Variants in POLR3E observed in about 807,000 individuals in gnomAD.
POLR3E encodes RNA polymerase III subunit E, also known as DNA-directed RNA polymerase III subunit RPC5.
Under a neutral mutation model 96.6 loss-of-function variants are expected in POLR3E, and 41 were observed. The ratio of observed to expected loss-of-function variants is 0.42; its 90% CI spans 0.33 to 0.55. The LOEUF is 0.55. Ranked by LOEUF, POLR3E falls within the 20% of genes least tolerant of loss-of-function variation. The pLI is 0.06. For missense variants in POLR3E, 849 were observed against 952.1 expected (o/e 0.89, Z 1.43); for synonymous variants, 396 against 383.6 (o/e 1.03, Z -0.38).
At position 22,322,964 on chromosome 16, in the gene POLR3E, G is replaced by T; in HGVS notation, c.1068+33G>T. On this transcript the variant is annotated intron_variant, in intron 14 of 20. Transcript: ENST00000299853. This position sits in a 1 kb window ranked among gnomAD's most constrained non-coding sequence, Gnocchi z 5.2. ...CCTTGGGTTCTCTGGACTCACGGTGGGGGCGTGGGAAGAGGGGGGCAGCGG... is the reference window on the plus strand; with the variant it reads ...CCTTGGGTTCTCTGGACTCACGGTGTGGGCGTGGGAAGAGGGGGGCAGCGG... The T allele has an allele frequency of 6.7e-7, 1 of 1,484,312 alleles. No individual in the cohort carries two copies. Among genetic ancestry groups the T allele is most frequent in the East Asian group, 2.3e-5 (1 of 43,440 alleles). The allele number at this position is 1,484,312 out of a possible 1,614,324, so 91.9% of individuals were successfully genotyped here.
intron 13 of POLR3E, among the ~76,000 whole-genome samples, chr16:22,320,419 G>A (rs1399284160): frequency 6.6e-6 from 1 of 151,966 alleles, no homozygotes; most frequent in African/African-American, 2.4e-5. Flanking sequence ...TTGCCACCAC[G>A]CCCGGCTAAT....
At chr16:22,315,332 C>A (rs1241641155) in intron 9 of POLR3E, 124 bp downstream of exon 9, 1 of 1,064,490 alleles carries the variant, frequency 9.4e-7, no homozygotes, top group Non-Finnish European at 1.3e-6. Flanking sequence ...GATAGAGGAT[C>A]GAGTCCTGTG....
At chr16:22,329,636 T>C (rs2048694232) in intron 19 of POLR3E, among the ~76,000 whole-genome samples, 1 of 152,028 alleles carries the variant, frequency 6.6e-6, no homozygotes, top group Admixed American at 6.6e-5. Flanking sequence ...AGTGCTTTTG[T>C]CCAGAATAGA....
chr16:22,314,741 C>T lies in POLR3E; in HGVS notation c.523-348C>T, dbSNP rs141226643. On this transcript the variant is annotated intron_variant, in intron 8 of 20. Transcript: ENST00000299853. ...CGCAGGGAGCTCATCCTGTTCTCTC[C>T]GTAGCTTATTAGGACCTTAGAAACT... Among the ~76,000 whole-genome samples the T allele has an allele frequency of 5.3e-5, 8 of 152,220 alleles. No individual in the cohort carries two copies. The East Asian group carries it at 7.8e-4, about 15-fold the overall frequency.
At position 22,325,872 on chromosome 16, in the gene POLR3E, G is replaced by A. The variant is rs372825350; in HGVS notation, c.1460G>A (p.Arg487Gln). The change falls in exon 18 of 21, where the codon CGG becomes CAG. Residue 487 changes from arginine to glutamine, a missense_variant. Transcript: ENST00000299853. ...RELQRRKEQL[R>Q]VPAVPPGVRI... ...CTGCAGCGGCGGAAGGAGCAGCTGCGGGTGCCTGCGGTCCCGCCCGGTGTG... is the reference window on the plus strand; with the variant it reads ...CTGCAGCGGCGGAAGGAGCAGCTGCAGGTGCCTGCGGTCCCGCCCGGTGTG... The A allele has an allele frequency of 1.2e-5, 19 of 1,611,040 alleles. No homozygotes were observed. The highest frequency in any genetic ancestry group is 1.2e-4 in the Admixed American group (7 of 59,616).
intron 2 of POLR3E, among the ~76,000 whole-genome samples, chr16:22,304,657 G>A (rs949991172): frequency 6.6e-6 from 1 of 152,160 alleles, no homozygotes; most frequent in African/African-American, 2.4e-5. Flanking sequence ...GTAAACTGCT[G>A]CGTGGCGGGG....
intron 14 of POLR3E, among the ~76,000 whole-genome samples, chr16:22,323,992 C>T (rs1252319656): frequency 6.6e-6 from 1 of 152,144 alleles, no homozygotes; most frequent in East Asian, 1.9e-4. Context: ...CATTAGCAGC[C>T]ACCACTGTGA....
At chr16:22,304,101 A>G (rs1023170802) in intron 2 of POLR3E, among the ~76,000 whole-genome samples, 6 of 152,090 alleles carry the variant, frequency 3.9e-5, no homozygotes, top group African/African-American at 1.2e-4. Context: ...ATGAGCCACC[A>G]TGGCCGGCAC....
chr16:22,319,759 C>T (rs889590151), intron 13 of POLR3E, among the ~76,000 whole-genome samples: 2 of 152,124 alleles, frequency 1.3e-5, no homozygotes, highest in African/African-American at 4.8e-5. Context: ...AGTGTGAAAT[C>T]TAAATACATG....
chr16:22,309,675 A>C lies in POLR3E; in HGVS notation c.364+165A>C, dbSNP rs1434592465. 11 of 658,012 alleles carry C rather than the reference A, an allele frequency of 1.7e-5. No homozygotes were observed. The East Asian group carries it at 1.9e-4, about 11-fold the overall frequency. 40.8% of individuals were successfully genotyped at this position (658,012 alleles called of 1,614,324 possible). A position where few individuals can be genotyped will look rare whatever the true frequency, so the allele number is the denominator to read the frequency against. On this transcript the variant is annotated intron_variant, in intron 6 of 20. Transcript: ENST00000299853. ...AACAGAAATGACACATTGTCAGGGG[A>C]CTGGAAGTGGCCACCTTTGTGGACT... is the stretch of plus-strand genomic sequence containing the variant.
At position 22,316,788 on chromosome 16, in the gene POLR3E, T is replaced by C. The variant is rs1307480274; in HGVS notation, c.728+102T>C. Reference sequence around the variant, plus strand: ...GAGGACTGTGGCCCCTCCTGTAGCATGAGGGTGGAGCCCATTGTCCCCTGG... The same window carrying C: ...GAGGACTGTGGCCCCTCCTGTAGCACGAGGGTGGAGCCCATTGTCCCCTGG... On this transcript the variant is annotated intron_variant, in intron 10 of 20. Coordinates refer to ENST00000299853, the MANE Select transcript of POLR3E (RefSeq NM_018119.4). The C allele has an allele frequency of 8.6e-6, 9 of 1,046,442 alleles. No individual in the cohort carries two copies. In the South Asian group the frequency reaches 1.0e-4, roughly 12 times the overall value. The allele number at this position is 1,046,442 out of a possible 1,614,324, so 64.8% of individuals were successfully genotyped here. A position where few individuals can be genotyped will look rare whatever the true frequency, so the allele number is the denominator to read the frequency against.
Position 22,332,201 on chromosome 16 carries a change from G to T in POLR3E, c.2070+16G>T. 1 of 1,608,664 alleles carries T rather than the reference G, an allele frequency of 6.2e-7. No homozygotes were observed. Among genetic ancestry groups the T allele is most frequent in the Non-Finnish European group, 8.5e-7 (1 of 1,176,608 alleles). ...AGTACTAAAGGTACATCCATTTTGT[G>T]CATAACAAACAATATCAAAGGCTCT... is the stretch of plus-strand genomic sequence containing the variant. On this transcript the variant is annotated intron_variant, in intron 20 of 20. Transcript: ENST00000299853.
At position 22,333,641 on chromosome 16, in the gene POLR3E, T is replaced by C; in HGVS notation, c.2071-3T>C. The C allele has an allele frequency of 6.2e-7, 1 of 1,608,162 alleles. No individual in the cohort carries two copies. Among genetic ancestry groups the C allele is most frequent in the South Asian group, 1.1e-5 (1 of 90,950 alleles). ...CTGTGCTTACCCTGTTTCTCTCTCATAGGACTGCTGTGTAAGCTATGGTGG... is the reference window on the plus strand; with the variant it reads ...CTGTGCTTACCCTGTTTCTCTCTCACAGGACTGCTGTGTAAGCTATGGTGG... On this transcript the variant is annotated splice_region_variant and splice_polypyrimidine_tract_variant and intron_variant, in intron 20 of 20. Coordinates refer to ENST00000299853, the MANE Select transcript of POLR3E (RefSeq NM_018119.4).
rs1360472287 is a variant in POLR3E at position 22,324,319 on chromosome 16, G to T, written c.1069-35G>T. 3.1e-6 allele frequency: 5 copies of T among 1,590,838 alleles called. No individual in the cohort carries two copies. In the East Asian group the frequency reaches 1.1e-4, roughly 36 times the overall value. ...GGGACAGTCCTGGGAGCAGTCCGTG[G>T]CCGCCCCTGGAATGTGCTGCTTCTT... is the stretch of plus-strand genomic sequence containing the variant. On this transcript the variant is annotated intron_variant, in intron 14 of 20. Transcript: ENST00000299853.
In POLR3E at chr16:22,318,888, G is replaced by C. The variant is rs746863841; in HGVS notation, c.928G>C (p.Val310Leu). 1 of 1,613,904 alleles carries C rather than the reference G, an allele frequency of 6.2e-7. No individual in the cohort carries two copies. The highest frequency in any genetic ancestry group is 1.1e-5 in the South Asian group (1 of 91,054). The change falls in exon 13 of 21, where the codon GTT (valine) becomes CTT (leucine). Residue 310 changes from valine (V) to leucine (L), a missense_variant. Val to Leu is a conservative substitution (Grantham distance 32, BLOSUM62 1). Transcript: ENST00000299853. The surrounding 1 kb of genome is among the most constrained non-coding windows in gnomAD (Gnocchi z 5.0). Reference protein sequence around the residue: ...LLGPSIDSVAVLRGIQKVAML... With the variant: ...LLGPSIDSVALLRGIQKVAML... ...GGGCCCCTCCATCGATTCCGTGGCT[G>C]TTCTGCGGGGCATCCAGAAGGTGGC...
In POLR3E at chr16:22,313,801, G is replaced by T. The variant is rs2048297446; in HGVS notation, c.472+74G>T. The T allele has an allele frequency of 9.8e-7, 1 of 1,016,788 alleles. No homozygotes were observed. Among genetic ancestry groups the T allele is most frequent in the Non-Finnish European group, 1.5e-6 (1 of 656,148 alleles). 63.0% of individuals were successfully genotyped at this position (1,016,788 alleles called of 1,614,324 possible). On this transcript the variant is annotated intron_variant, in intron 7 of 20. Transcript: ENST00000299853. This position sits in a 1 kb window ranked among gnomAD's most constrained non-coding sequence, Gnocchi z 4.1. The stretch of plus-strand genomic sequence containing the variant: ...GGGATGGCTTGGTCCTGGGAAGAGG[G>T]ATGGGATGATAGGATGTTTAGCAGG...
In POLR3E at chr16:22,309,009, G is replaced by A; in HGVS notation, c.250G>A (p.Ala84Thr). The A allele has an allele frequency of 6.2e-7, 1 of 1,613,758 alleles. No individual in the cohort carries two copies. Among genetic ancestry groups the A allele is most frequent in the East Asian group, 2.2e-5 (1 of 44,856 alleles). The stretch of plus-strand genomic sequence containing the variant: ...GCAGATTGCGCTGAACGTGGACGGG[G>A]CCTGCGCCGACGAGACCAGCACGTA... Reference protein sequence around the residue: ...GEQIALNVDGACADETSTYSS... With the variant: ...GEQIALNVDGTCADETSTYSS... Residue 84 changes from alanine to threonine, a missense_variant, in exon 5 of 21, where the codon GCC becomes ACC. Ala to Thr is a moderately conservative substitution (Grantham distance 58, BLOSUM62 0). Transcript: ENST00000299853.
rs555953472 is a variant in POLR3E, at chr16:22,317,390, G to A, written c.865+184G>A. Among the ~76,000 whole-genome samples the A allele has an allele frequency of 1.4e-4, 21 of 152,354 alleles. No individual in the cohort carries two copies. The South Asian group carries it at 3.1e-3, about 23-fold the overall frequency. On this transcript the variant is annotated intron_variant, in intron 12 of 20. Transcript: ENST00000299853. ...CAGGACGGCAGTGCGGCCAGCTCCC[G>A]CAGGCAGCCCGGGTTCCCGTGAATG...
chr16:22,313,627 C>T lies in POLR3E; in HGVS notation c.372C>T (p.Leu124=). The part of the protein sequence containing the change: ...YAAALYRQGE[L]HLTPLHGILQ... The stretch of plus-strand genomic sequence containing the variant: ...CCCTTCTTCCTCCGCCAGGTGAGCT[C>T]CACCTGACACCTTTACATGGCATCC... Residue 124 remains leucine, a synonymous_variant, in exon 7 of 21, where the codon CTC becomes CTT. Coordinates refer to ENST00000299853, the MANE Select transcript of POLR3E (RefSeq NM_018119.4). This position sits in a 1 kb window ranked among gnomAD's most constrained non-coding sequence, Gnocchi z 4.1. The T allele has an allele frequency of 6.2e-7, 1 of 1,609,466 alleles. No homozygotes were observed. Among genetic ancestry groups the T allele is most frequent in the Non-Finnish European group, 8.5e-7 (1 of 1,175,842 alleles).
Sources: allele counts gnomAD v4.1 joint callset (sites outside exome capture counted in the v4.1 genomes callset), GRCh38; gene constraint gnomAD v4.1.1; non-coding constraint Gnocchi (gnomAD v3.1); transcripts MANE v1.5; gene names NCBI Gene and HGNC (gene_info 2026-07-23, HGNC 2026-07-21).